The following RNF213 variants were observed in gnomAD, a reference collection of about 807,000 sequenced individuals.
RNF213 encodes the protein E3 ubiquitin-protein ligase RNF213.
A neutral mutation model predicts 514.4 loss-of-function variants in RNF213; 341 were observed. The observed-to-expected ratio is 0.66, with a 90% confidence interval of 0.61 to 0.73. RNF213 has a LOEUF of 0.73. Among genes scored for constraint, RNF213 ranks in the 30% least tolerant of loss-of-function variants. The probability of loss-of-function intolerance (pLI) is 0.00; values close to 1 mark genes in which losing one functional copy is unlikely to be tolerated. For synonymous variants in RNF213, 2,655 were observed against 2,658.2 expected (o/e 1.00, Z 0.04); for missense variants, 5,767 against 6,615.6 (o/e 0.87, Z 4.45).
At chr17:80,323,244 C>T (rs1299104517) in intron 17 of RNF213, among the ~76,000 whole-genome samples, 3 of 152,206 alleles carry the variant, frequency 2.0e-5, no homozygotes, top group Non-Finnish European at 4.4e-5. Flanking sequence ...TGGTGATCTA[C>T]TTGCCTATCC....
chr17:80,381,808 C>A, intron 57 of RNF213, 81 bp downstream of exon 57: 2 of 1,249,452 alleles, frequency 1.6e-6, no homozygotes, highest in Non-Finnish European at 2.3e-6. Context: ...GTGGGCCACC[C>A]CACACACAGC....
intron 6 of RNF213, 33 bp downstream of exon 6, chr17:80,289,870 C>A: frequency 1.9e-6 from 3 of 1,585,494 alleles, no homozygotes; most frequent in Non-Finnish European, 2.6e-6. Flanking sequence ...GCAAAGGAGA[C>A]CCTGCCTGAG....
chr17:80,319,669 G>A (rs7222014), intron 17 of RNF213: 663,032 of 1,463,586 alleles, frequency 0.45, 153,933 homozygotes, highest in Non-Finnish European at 0.47. Flanking sequence ...CAGTAGGTGT[G>A]CGGGAAGAGA....
At chr17:80,341,312 G>A (rs1259242534) in intron 26 of RNF213, 1 of 152,242 alleles carries the variant, frequency 6.6e-6, no homozygotes, top group Non-Finnish European at 1.5e-5. Context: ...AGCAAGGGGA[G>A]GTAGAATTGA....
intron 63 of RNF213, among the ~76,000 whole-genome samples, chr17:80,387,950 TG>T (rs1484336194): frequency 7.3e-6 from 1 of 137,386 alleles, no homozygotes; most frequent in Non-Finnish European, 1.6e-5. Context: ...TGAGAGCCCA[TG>T]GATTTTTTTT....
rs143918463 is a variant in RNF213 at position 80,357,932 on chromosome 17, G to A, written c.10863-356G>A. The stretch of plus-strand genomic sequence containing the variant: ...GAGCCCAGGTATTCCAGGTTATGAC[G>A]ATCTATGATTGTGTCACTACACCGC... On this transcript the variant is annotated intron_variant, in intron 36 of 67. Coordinates refer to ENST00000582970, the MANE Select transcript of RNF213 (RefSeq NM_001256071.3). Among the ~76,000 whole-genome samples, 983 of 152,294 alleles carry A rather than the reference G, an allele frequency of 6.5e-3. 9 individuals are homozygous for A. The highest frequency in any genetic ancestry group is 0.011 in the Non-Finnish European group (768 of 68,036).
chr17:80,360,757 ACAACG>A (rs2079025481), intron 38 of RNF213, among the ~76,000 whole-genome samples: 1 of 152,204 alleles, frequency 6.6e-6, no homozygotes, highest in Non-Finnish European at 1.5e-5. Context: ...AAAACCAACG[ACAACG>A]CAACACTTTT....
chr17:80,269,026 G>T (rs150149915), intron 2 of RNF213, among the ~76,000 whole-genome samples: 6 of 152,304 alleles, frequency 3.9e-5, no homozygotes, highest in African/African-American at 7.2e-5. Flanking sequence ...AAAGGCCAAA[G>T]AACCTGAAGT....
chr17:80,393,530 T>TGG lies in RNF213; in HGVS notation c.*33_*34dup. 1.2e-6 allele frequency: 2 copies of TGG among 1,611,834 alleles called. No individual in the cohort carries two copies. Among genetic ancestry groups the TGG allele is most frequent in the Admixed American group, 1.7e-5 (1 of 59,994 alleles). On this transcript the variant is annotated 3_prime_UTR_variant, in exon 68 of 68. Coordinates refer to ENST00000582970, the MANE Select transcript of RNF213 (RefSeq NM_001256071.3). ...TTCCTCAGCTATCTTTGGATGACTTTGGAGAGAAGACTCCTCTCTCCTCGT... is the reference window on the plus strand; with the variant it reads ...TTCCTCAGCTATCTTTGGATGACTTTGGGGAGAGAAGACTCCTCTCTCCTCGT...
At chr17:80,333,109 C>T (rs548607878) in intron 21 of RNF213, among the ~76,000 whole-genome samples, 1 of 151,090 alleles carries the variant, frequency 6.6e-6, no homozygotes, top group South Asian at 2.1e-4. Flanking sequence ...AGTGCAGTGG[C>T]GCGATCTTGG....
intron 10 of RNF213, among the ~76,000 whole-genome samples, chr17:80,297,472 G>T (rs2044999424): frequency 6.8e-6 from 1 of 147,584 alleles, no homozygotes; most frequent in African/African-American, 2.5e-5. Context: ...AAGTTGTTTT[G>T]GCCGGGCATT....
intron 2 of RNF213, among the ~76,000 whole-genome samples, chr17:80,268,397 G>A (rs1273752685): frequency 1.3e-5 from 2 of 149,264 alleles, no homozygotes; most frequent in African/African-American, 2.5e-5. Context: ...CTGCATCCCC[G>A]GAGGGACTGC....
At position 80,319,247 on chromosome 17, in the gene RNF213, T is replaced by G; in HGVS notation, c.2959T>G (p.Leu987Val). The change falls in exon 17 of 68, where the codon TTA (leucine) becomes GTA (valine). Residue 987 changes from leucine to valine, a missense_variant. Leu to Val is a conservative substitution (Grantham distance 32, BLOSUM62 1). Transcript: ENST00000582970. ...CAATAGTTGCTGGGACACCAAAGGC[T>G]TAGAGGACAGTGTGGCCAAGACCTT... ...YCNSCWDTKG[L>V]EDSVAKTFEK... is the part of the protein sequence containing the mutation. The G allele has an allele frequency of 1.2e-6, 2 of 1,614,160 alleles. No individual in the cohort carries two copies. Among genetic ancestry groups the G allele is most frequent in the Non-Finnish European group, 1.7e-6 (2 of 1,180,026 alleles).
intron 31 of RNF213, among the ~76,000 whole-genome samples, chr17:80,350,804 C>CA (rs996089655): frequency 1.3e-5 from 2 of 152,086 alleles, no homozygotes; most frequent in African/African-American, 2.4e-5. Flanking sequence ...GTCCTCCCCA[C>CA]AAAAAAGGTG....
At chr17:80,292,638 C>T (rs907800928) in intron 8 of RNF213, among the ~76,000 whole-genome samples, 4 of 152,018 alleles carry the variant, frequency 2.6e-5, no homozygotes, top group African/African-American at 7.2e-5. Context: ...CTTCCCTTCT[C>T]GCAGAGCCCT....
chr17:80,381,865 CACAG>C, intron 57 of RNF213, 138 bp downstream of exon 57: 1 of 861,550 alleles, frequency 1.2e-6, no homozygotes, highest in Non-Finnish European at 1.8e-6. Context: ...TGAGAGAACA[CACAG>C]AGAGAAAACC....
chr17:80,337,553 C>G (rs372677556), intron 23 of RNF213, 33 bp from the exon 24 acceptor site: 36 of 1,534,080 alleles, frequency 2.3e-5, no homozygotes, highest in Non-Finnish European at 3.1e-5. Context: ...TCGCTCCAAC[C>G]GTGGCCCGTG....
At chr17:80,290,444 T>A in intron 6 of RNF213, 126 bp from the exon 7 acceptor site, 2 of 1,125,892 alleles carry the variant, frequency 1.8e-6, no homozygotes, top group East Asian at 2.4e-5. Context: ...TGTGTGCATG[T>A]GTGTGTGCGA....
chr17:80,311,513 C>T (rs1306585617), intron 14 of RNF213, among the ~76,000 whole-genome samples: 1 of 152,228 alleles, frequency 6.6e-6, no homozygotes, highest in Non-Finnish European at 1.5e-5. Context: ...GTGCTCTAGT[C>T]ACTCCTGTGC....
Sources: gnomAD v4.1 joint callset for allele counts (sites outside exome capture counted in the v4.1 genomes callset) on GRCh38, gnomAD v4.1.1 for gene constraint, MANE v1.5 for transcripts, NCBI Gene and HGNC (gene_info 2026-07-23, HGNC 2026-07-21) for gene names.